PPP2R2B: variants seen among roughly 807,000 people sequenced by gnomAD.
PPP2R2B encodes the protein serine/threonine-protein phosphatase 2A 55 kDa regulatory subunit B beta isoform.
Under a neutral mutation model 46.0 loss-of-function variants are expected in PPP2R2B, and 5 were observed. The ratio of observed to expected loss-of-function variants is 0.11; its 90% CI spans 0.06 to 0.23. The LOEUF is 0.23. Ranked by LOEUF, PPP2R2B falls within the 10% of genes least tolerant of loss-of-function variation. The probability of loss-of-function intolerance (pLI) is 1.00; values close to 1 mark genes in which losing one functional copy is unlikely to be tolerated. For missense variants in PPP2R2B, 367 were observed against 575.0 expected, an observed-to-expected ratio of 0.64 and a Z score of 3.70; for synonymous variants, 215 against 206.7, an observed-to-expected ratio of 1.04 and a Z score of -0.34.
intron 1 of PPP2R2B, among the ~76,000 whole-genome samples, chr5:146,984,305 G>C (rs1753321141): frequency 6.6e-6 from 1 of 152,104 alleles, no homozygotes; most frequent in South Asian, 2.1e-4. Flanking sequence ...CTATGGGTTT[G>C]ATCATCTTAG....
At chr5:146,976,585 G>T (rs1752916212) in intron 1 of PPP2R2B, among the ~76,000 whole-genome samples, 1 of 152,020 alleles carries the variant, frequency 6.6e-6, no homozygotes, top group Non-Finnish European at 1.5e-5. Flanking sequence ...GAAAAAGAAG[G>T]TTTCTTTCTA....
At chr5:146,655,806 G>A (rs902457087) in intron 5 of PPP2R2B, among the ~76,000 whole-genome samples, 5 of 151,978 alleles carry the variant, frequency 3.3e-5, no homozygotes, top group South Asian at 2.1e-4. Context: ...TGAACCAAAC[G>A]GGTCCTGCCT....
At chr5:146,913,766 A>T (rs1317101243) in intron 1 of PPP2R2B, among the ~76,000 whole-genome samples, 1 of 152,350 alleles carries the variant, frequency 6.6e-6, no homozygotes, top group African/African-American at 2.4e-5. Context: ...AACTTTAAGG[A>T]CTAAAAGCTA....
At chr5:146,599,167 C>CCTCTTT in intron 8 of PPP2R2B, among the ~76,000 whole-genome samples, 1 of 152,142 alleles carries the variant, frequency 6.6e-6, no homozygotes. Flanking sequence ...GTCTGGTCTT[C>CCTCTTT]CTCTTTCAAC....
chr5:146,657,904 A>G lies in PPP2R2B; in HGVS notation c.448-7180T>C, dbSNP rs939845164. Among the ~76,000 whole-genome samples the G allele has an allele frequency of 2.6e-5, 4 of 152,160 alleles. No homozygotes were observed. In the East Asian group the frequency reaches 7.7e-4, roughly 29 times the overall value. On this transcript the variant is annotated intron_variant, in intron 5 of 9. Coordinates refer to ENST00000394411, the MANE Select transcript of PPP2R2B (RefSeq NM_181675.4). The stretch of plus-strand genomic sequence containing the variant: ...TACATTTAGACTGACAGTATATATC[A>G]AGGTCATGGGGTTTGGTGGGTTCTG...
chr5:146,621,643 C>T lies in PPP2R2B; in HGVS notation c.790+16608G>A, dbSNP rs577089478. 1.3e-4 allele frequency among the ~76,000 whole-genome samples: 20 copies of T among 152,198 alleles called. No individual in the cohort carries two copies. The East Asian group carries it at 1.7e-3, about 13-fold the overall frequency. ...TCTTTACAGACTTAACACAATGTAC[C>T]GAGGCAATGTGGAGAACAGTCACTG... On this transcript the variant is annotated intron_variant, in intron 7 of 9. Transcript: ENST00000394411.
chr5:146,742,678 C>G (rs1474546984), intron 2 of PPP2R2B, among the ~76,000 whole-genome samples: 1 of 151,988 alleles, frequency 6.6e-6, no homozygotes, highest in Non-Finnish European at 1.5e-5. Flanking sequence ...TGTGCCCTCC[C>G]AAAATTTATA....
At chr5:146,779,925 T>C (rs1161386477) in intron 2 of PPP2R2B, among the ~76,000 whole-genome samples, 2 of 152,168 alleles carry the variant, frequency 1.3e-5, no homozygotes, top group Non-Finnish European at 2.9e-5. Flanking sequence ...TTGAGTTACA[T>C]ATAGGGGACG....
chr5:146,699,653 CTTAA>C (rs1779416744), intron 3 of PPP2R2B, among the ~76,000 whole-genome samples: 1 of 130,212 alleles, frequency 7.7e-6, no homozygotes, highest in African/African-American at 2.9e-5. Flanking sequence ...TCACTGCGAA[CTTAA>C]TTGGTTTTTT....
At chr5:146,698,704 CAG>C (rs1779357907) in intron 3 of PPP2R2B, among the ~76,000 whole-genome samples, 1 of 151,402 alleles carries the variant, frequency 6.6e-6, no homozygotes, top group Non-Finnish European at 1.5e-5. Flanking sequence ...CTAGGTCTCA[CAG>C]CTCATAAGGA....
At chr5:146,865,747 C>T (rs2151401167) in intron 2 of PPP2R2B, among the ~76,000 whole-genome samples, 1 of 152,248 alleles carries the variant, frequency 6.6e-6, no homozygotes, top group South Asian at 2.1e-4. Flanking sequence ...TCTCTAATCT[C>T]CAGCTCACTT....
intron 5 of PPP2R2B, among the ~76,000 whole-genome samples, chr5:146,682,462 G>T (rs190553857): frequency 1.3e-3 from 193 of 152,298 alleles, no homozygotes; most frequent in Non-Finnish European, 2.0e-3. Context: ...CTGTAAGAAA[G>T]TATAGTTATT....
chr5:146,591,162 C>T (rs1328945618), intron 9 of PPP2R2B, among the ~76,000 whole-genome samples: 2 of 152,124 alleles, frequency 1.3e-5, no homozygotes, highest in African/African-American at 2.4e-5. Flanking sequence ...GGGGCTCCTA[C>T]TCATTTCTGG....
chr5:146,877,743 C>A (rs990415121), intron 2 of PPP2R2B, among the ~76,000 whole-genome samples: 6 of 152,150 alleles, frequency 3.9e-5, no homozygotes, highest in African/African-American at 1.4e-4. Flanking sequence ...GCGAGAGCCC[C>A]ACCCTGAAAA....
chr5:147,069,785 G>GTTTTTTTTTTTTTTTTTTTTTTTTTTTTT lies in PPP2R2B; in HGVS notation c.50+11273_50+11274insAAAAAAAAAAAAAAAAAAAAAAAAAAAAA, dbSNP rs540998224. 2.3e-4 allele frequency among the ~76,000 whole-genome samples: 15 copies of GTTTTTTTTTTTTTTTTTTTTTTTTTTTTT among 64,790 alleles called. 5 individuals are homozygous for GTTTTTTTTTTTTTTTTTTTTTTTTTTTTT. The highest frequency in any genetic ancestry group is 1.1e-3 in the African/African-American group (14 of 13,262). 42.5% of individuals were successfully genotyped at this position (64,790 alleles called of 152,430 possible). A position where few individuals can be genotyped will look rare whatever the true frequency, so the allele number is the denominator to read the frequency against. ...CTCCCACATGAACACATTTTATACT[G>GTTTTTTTTTTTTTTTTTTTTTTTTTTTTT]TTTTTTTTTTTTTTTTTTTTTTTGA... On this transcript the variant is annotated intron_variant, in intron 2 of 10. Coordinates refer to the PPP2R2B transcript ENST00000394413.
rs1762052905 is a variant in PPP2R2B at position 146,878,723 on chromosome 5, T to TG, written c.-258_-257insC. 2.7e-6 allele frequency: 2 copies of TG among 736,562 alleles called. No homozygotes were observed. Among genetic ancestry groups the TG allele is most frequent in the Admixed American group, 1.0e-4 (2 of 19,782 alleles). 45.6% of individuals were successfully genotyped at this position (736,562 alleles called of 1,614,324 possible). On this transcript the variant is annotated 5_prime_UTR_variant, in exon 1 of 10. Transcript: ENST00000394411. The surrounding 1 kb of genome is among the most constrained non-coding windows in gnomAD (Gnocchi z 4.5). The stretch of plus-strand genomic sequence containing the variant: ...CACCCTCACACCCACACGCGCGCAC[T>TG]CGCAGCTGCTGCTGCTGCTGCTGCT...
chr5:146,919,452 T>C (rs1237472224), intron 1 of PPP2R2B: 2 of 152,222 alleles, frequency 1.3e-5, no homozygotes, highest in Admixed American at 6.5e-5. Flanking sequence ...AGGCAACCTA[T>C]AGCTACAGCT....
chr5:146,753,222 T>C (rs1753656744), intron 2 of PPP2R2B, among the ~76,000 whole-genome samples: 4 of 152,144 alleles, frequency 2.6e-5, no homozygotes, highest in Admixed American at 2.0e-4. Context: ...AGGGCTGCTA[T>C]GAGAAGGAAA....
upstream of PPP2R2B, among the ~76,000 whole-genome samples, chr5:147,057,178 C>G (rs900233990): frequency 6.6e-6 from 1 of 152,202 alleles, no homozygotes; most frequent in East Asian, 1.9e-4. Flanking sequence ...TCCATTCCCC[C>G]ACCAGTATGC....
Sources: allele counts gnomAD v4.1 joint callset (sites outside exome capture counted in the v4.1 genomes callset), GRCh38; gene constraint gnomAD v4.1.1; non-coding constraint Gnocchi (gnomAD v3.1); transcripts MANE v1.5; gene names NCBI Gene and HGNC (gene_info 2026-07-23, HGNC 2026-07-21).